EPHA2: variants seen among roughly 807,000 people sequenced by gnomAD.
EPHA2 encodes the protein ephrin type-A receptor 2.
Under a neutral mutation model 104.9 loss-of-function variants are expected in EPHA2, and 54 were observed. The observed-to-expected ratio is 0.51, with a 90% CI of 0.41 to 0.65. The LOEUF (loss-of-function observed/expected upper bound fraction) is 0.65. Among genes scored for constraint, EPHA2 ranks in the 30% least tolerant of loss-of-function variants. The probability of loss-of-function intolerance (pLI) is 0.00; values close to 1 mark genes in which losing one functional copy is unlikely to be tolerated. For missense variants in EPHA2, 1,117 were observed against 1,369.5 expected, an observed-to-expected ratio of 0.82 and a Z score of 2.91; for synonymous variants, 560 against 559.1, an observed-to-expected ratio of 1.00 and a Z score of -0.02.
rs1045018818 is a variant in EPHA2, at chr1:16,131,213, T to A, written c.2475+508A>T. Among the ~76,000 whole-genome samples the A allele has an allele frequency of 6.6e-6, 1 of 151,966 alleles. No individual in the cohort carries two copies. Among genetic ancestry groups the A allele is most frequent in the African/African-American group, 2.4e-5 (1 of 41,388 alleles). ...GGATACACACGTACACCCCACTCCT[T>A]TTTTCATCTCTGCACTCTCTGAATC... is the stretch of plus-strand genomic sequence containing the variant. On this transcript the variant is annotated intron_variant, in intron 14 of 16. Transcript: ENST00000358432. This position sits in a 1 kb window ranked among gnomAD's most constrained non-coding sequence, Gnocchi z 5.2.
chr1:16,129,565 C>G lies in EPHA2; in HGVS notation c.2694G>C (p.Thr898=). Reference sequence around the variant, plus strand: ...GGAAGGGCACCCCCTCCGAGCCGCTCGTGCTGGGGAGCCGGATAGACACGC... The same window carrying G: ...GGAAGGGCACCCCCTCCGAGCCGCTGGTGCTGGGGAGCCGGATAGACACGC... ...DPRVSIRLPS[T]SGSEGVPFRT... The change falls in exon 16 of 17, where the codon ACG becomes ACC. Residue 898 remains threonine, a synonymous_variant. Transcript: ENST00000358432. 10 of 1,612,376 alleles carry G rather than the reference C, an allele frequency of 6.2e-6. No individual in the cohort carries two copies. The highest frequency in any genetic ancestry group is 8.5e-6 in the Non-Finnish European group (10 of 1,179,910).
intron 1 of EPHA2, among the ~76,000 whole-genome samples, chr1:16,152,172 G>C (rs1333263307): frequency 6.6e-6 from 1 of 152,220 alleles, no homozygotes; most frequent in East Asian, 1.9e-4. Context: ...GAGCATGAGG[G>C]ATCTGCCTCA....
chr1:16,134,467 C>A lies in EPHA2; in HGVS notation c.1682+1G>T. On this transcript the variant is annotated splice_donor_variant, in intron 8 of 16. Transcript: ENST00000358432. LOFTEE classifies it high-confidence loss of function. This position sits in a 1 kb window ranked among gnomAD's most constrained non-coding sequence, Gnocchi z 4.5. ...GAGCCAGGGTATGGGCTCTGACGAA[C>A]CTGCGGTGGATAAAGAAGCCAACTC... is the stretch of plus-strand genomic sequence containing the variant. The A allele has an allele frequency of 6.2e-7, 1 of 1,614,030 alleles. No homozygotes were observed. The highest frequency in any genetic ancestry group is 8.5e-7 in the Non-Finnish European group (1 of 1,179,990).
chr1:16,130,587 G>T lies in EPHA2; in HGVS notation c.2476-168C>A, dbSNP rs909730601. Among the ~76,000 whole-genome samples, 1 of 152,098 alleles carries T rather than the reference G, an allele frequency of 6.6e-6. No individual in the cohort carries two copies. The highest frequency in any genetic ancestry group is 1.5e-5 in the Non-Finnish European group (1 of 68,022). ...CACCCAACCTTCAGAGCTGCCCAAA[G>T]GGCAAATGCCTAAGGGTCTGTGTCC... On this transcript the variant is annotated intron_variant, in intron 14 of 16. Transcript: ENST00000358432. The surrounding 1 kb of genome is among the most constrained non-coding windows in gnomAD (Gnocchi z 4.5).
At position 16,135,461 on chromosome 1, in the gene EPHA2, A is replaced by G. The variant is rs757347236; in HGVS notation, c.1428+194T>C. ...CCTGACTGCCTCTTCCAAGGACGCC[A>G]TGTCTTCTCTCGTACAAATCTCTGC... On this transcript the variant is annotated intron_variant, in intron 6 of 16. Transcript: ENST00000358432. The surrounding 1 kb of genome is among the most constrained non-coding windows in gnomAD (Gnocchi z 4.3). 3 of 720,640 alleles carry G rather than the reference A, an allele frequency of 4.2e-6. No homozygotes were observed. The highest frequency in any genetic ancestry group is 7.3e-6 in the Non-Finnish European group (3 of 412,760). 44.6% of individuals were successfully genotyped at this position (720,640 alleles called of 1,614,324 possible). A position where few individuals can be genotyped will look rare whatever the true frequency, so the allele number is the denominator to read the frequency against.
chr1:16,148,320 A>C lies in EPHA2; in HGVS notation c.823+58T>G. On this transcript the variant is annotated intron_variant, in intron 3 of 16. Coordinates refer to ENST00000358432, the MANE Select transcript of EPHA2 (RefSeq NM_004431.5). The surrounding 1 kb of genome is among the most constrained non-coding windows in gnomAD (Gnocchi z 4.9). ...CCAAGATTCCATGATTCCAAAGCTAAAGACCAGAACCTGGGAATGCAGAAC... is the reference window on the plus strand; with the variant it reads ...CCAAGATTCCATGATTCCAAAGCTACAGACCAGAACCTGGGAATGCAGAAC... 6.2e-7 allele frequency: 1 copy of C among 1,602,844 alleles called. No homozygotes were observed. The highest frequency in any genetic ancestry group is 8.5e-7 in the Non-Finnish European group (1 of 1,175,294).
chr1:16,134,962 T>A lies in EPHA2; in HGVS notation c.1582+74A>T. ...GGCATTTCTAAGTTATTTGATTCAC[T>A]TCCTTTCCCAAGATGTCTCAATTGC... On this transcript the variant is annotated intron_variant, in intron 7 of 16. Coordinates refer to ENST00000358432, the MANE Select transcript of EPHA2 (RefSeq NM_004431.5). This position sits in a 1 kb window ranked among gnomAD's most constrained non-coding sequence, Gnocchi z 4.5. 2 of 1,591,602 alleles carry A rather than the reference T, an allele frequency of 1.3e-6. No homozygotes were observed. Among genetic ancestry groups the A allele is most frequent in the Non-Finnish European group, 1.7e-6 (2 of 1,172,342 alleles).
At position 16,148,899 on chromosome 1, in the gene EPHA2, G is replaced by C. The variant is rs371414588; in HGVS notation, c.302C>G (p.Thr101Ser). The C allele has an allele frequency of 6.2e-7, 1 of 1,614,166 alleles. No individual in the cohort carries two copies. Among genetic ancestry groups the C allele is most frequent in the Non-Finnish European group, 8.5e-7 (1 of 1,180,048 alleles). Residue 101 changes from threonine (T) to serine (S), a missense_variant, in exon 3 of 17, where the codon ACT (threonine) becomes AGT (serine). Around this residue, in one of 3 missense-constraint regions of EPHA2, gnomAD observed 664 missense variants for 784.8 expected, o/e 0.85. Transcript: ENST00000358432. The surrounding 1 kb of genome is among the most constrained non-coding windows in gnomAD (Gnocchi z 4.9). ...AGGGAAGCTGTTGCAGTCACGTACA[G>C]TAAACTTGAGCTCAATGAAGATACG... ...AERIFIELKFTVRDCNSFPGG... is the reference protein window; with the variant it reads ...AERIFIELKFSVRDCNSFPGG...
At chr1:16,152,072 C>T (rs6673443) in intron 1 of EPHA2, among the ~76,000 whole-genome samples, 3,928 of 152,254 alleles carry the variant, frequency 0.026, 187 homozygotes, top group African/African-American at 0.09. Context: ...TAGGAGAAAC[C>T]GGGGCATAGA....
chr1:16,132,011 C>T (rs1388956552), intron 13 of EPHA2, 53 bp downstream of exon 13: 3 of 1,613,044 alleles, frequency 1.9e-6, no homozygotes, highest in African/African-American at 2.7e-5. Context: ...GGTGAGAGGA[C>T]ACCATGCAGG....
Position 16,132,366 on chromosome 1 carries a change from C to A in EPHA2, c.2115+12G>T. The stretch of plus-strand genomic sequence containing the variant: ...GCCAGGCATCCCCGCCCCCTACAAC[C>A]CACATCCTTACCCGAAGGAACTTGT... On this transcript the variant is annotated intron_variant, in intron 12 of 16. Transcript: ENST00000358432. 1 of 1,614,188 alleles carries A rather than the reference C, an allele frequency of 6.2e-7. No individual in the cohort carries two copies. Among genetic ancestry groups the A allele is most frequent in the Non-Finnish European group, 8.5e-7 (1 of 1,180,038 alleles).
Position 16,124,968 on chromosome 1 carries a change from G to C in EPHA2, c.*247C>G. ...GGGGCTCCTGCTCCAGGGATGCTGG[G>C]ACGTGGCGGTGCCTGCTAAGTGCTC... On this transcript the variant is annotated 3_prime_UTR_variant, in exon 17 of 17. Transcript: ENST00000358432. 2 of 535,020 alleles carry C rather than the reference G, an allele frequency of 3.7e-6. No individual in the cohort carries two copies. The highest frequency in any genetic ancestry group is 6.8e-6 in the Non-Finnish European group (2 of 294,634). 33.1% of individuals were successfully genotyped at this position (535,020 alleles called of 1,614,324 possible). A position where few individuals can be genotyped will look rare whatever the true frequency, so the allele number is the denominator to read the frequency against.
At chr1:16,142,451 C>T (rs1427643287) in intron 3 of EPHA2, among the ~76,000 whole-genome samples, 5 of 152,138 alleles carry the variant, frequency 3.3e-5, no homozygotes, top group Non-Finnish European at 4.4e-5. Flanking sequence ...CATGGCCCAG[C>T]GGTGCTCAGT....
Position 16,148,132 on chromosome 1 carries a change from T to TCCCA in EPHA2, c.823+242_823+245dup, listed in dbSNP as rs1322580658. Among the ~76,000 whole-genome samples the TCCCA allele has an allele frequency of 6.6e-6, 1 of 152,082 alleles. No individual in the cohort carries two copies. The highest frequency in any genetic ancestry group is 1.5e-5 in the Non-Finnish European group (1 of 68,008). The stretch of plus-strand genomic sequence containing the variant: ...CTCAAGTGATCCACCCACCTCAGCC[T>TCCCA]CCCAAAGTGCTGGGATTACAGGCAT... On this transcript the variant is annotated intron_variant, in intron 3 of 16. Coordinates refer to ENST00000358432, the MANE Select transcript of EPHA2 (RefSeq NM_004431.5). This position sits in a 1 kb window ranked among gnomAD's most constrained non-coding sequence, Gnocchi z 4.9.
chr1:16,151,146 A>T (rs1395020007), intron 1 of EPHA2, among the ~76,000 whole-genome samples, 183 bp from the exon 2 acceptor site: 1 of 152,116 alleles, frequency 6.6e-6, no homozygotes, highest in African/African-American at 2.4e-5. Context: ...AGGCCCAGAA[A>T]AAGGATGGAA....
chr1:16,135,237 G>C lies in EPHA2; in HGVS notation c.1429-48C>G, dbSNP rs1314670970. On this transcript the variant is annotated intron_variant, in intron 6 of 16. Coordinates refer to ENST00000358432, the MANE Select transcript of EPHA2 (RefSeq NM_004431.5). The surrounding 1 kb of genome is among the most constrained non-coding windows in gnomAD (Gnocchi z 4.3). Reference sequence around the variant, plus strand: ...GGAGCAGGCAGTGAGGGCAGGGCAGGGGCCTCGGCTCAGCCCGCTGGAGAC... The same window carrying C: ...GGAGCAGGCAGTGAGGGCAGGGCAGCGGCCTCGGCTCAGCCCGCTGGAGAC... The C allele has an allele frequency of 5.0e-6, 8 of 1,610,882 alleles. No homozygotes were observed. The Admixed American group carries it at 1.2e-4, about 23-fold the overall frequency.
chr1:16,136,625 A>AG (rs2024690148), intron 5 of EPHA2, among the ~76,000 whole-genome samples: 5 of 147,178 alleles, frequency 3.4e-5, no homozygotes, highest in South Asian at 2.1e-4. Flanking sequence ...GTCTCAAAAA[A>AG]AAAGAAGAAG....
chr1:16,151,030 G>C, intron 1 of EPHA2, 67 bp from the exon 2 acceptor site: 4 of 1,537,282 alleles, frequency 2.6e-6, no homozygotes, highest in Non-Finnish European at 3.6e-6. Context: ...TGGCAGGAAA[G>C]GTGAGGATCC....
Position 16,130,349 on chromosome 1 carries a change from A to G in EPHA2, c.2546T>C (p.Leu849Pro). Residue 849 changes from leucine to proline, a missense_variant, in exon 15 of 17, where the codon CTC becomes CCC. Physicochemically the swap from Leu to Pro is moderately conservative, Grantham distance 98. This residue lies in a region of EPHA2 where 340 missense variants were observed against 480.5 expected (regional missense o/e 0.71). Coordinates refer to ENST00000358432, the MANE Select transcript of EPHA2 (RefSeq NM_004431.5). The surrounding 1 kb of genome is among the most constrained non-coding windows in gnomAD (Gnocchi z 4.5). Reference sequence around the variant, plus strand: ...CTCCTGCTGCCAGCACTGCATCATGAGCTGGTAGATGGCGGAGGGGCAGTC... The same window carrying G: ...CTCCTGCTGCCAGCACTGCATCATGGGCTGGTAGATGGCGGAGGGGCAGTC... ...PMDCPSAIYQLMMQCWQQERA... is the reference protein window; with the variant it reads ...PMDCPSAIYQPMMQCWQQERA... 1 of 1,589,886 alleles carries G rather than the reference A, an allele frequency of 6.3e-7. No homozygotes were observed. Among genetic ancestry groups the G allele is most frequent in the Non-Finnish European group, 8.6e-7 (1 of 1,162,886 alleles).
Sources: allele counts gnomAD v4.1 joint callset (sites outside exome capture counted in the v4.1 genomes callset), GRCh38; gene constraint gnomAD v4.1.1; regional missense constraint gnomAD v4.1.1; non-coding constraint Gnocchi (gnomAD v3.1); transcripts MANE v1.5; gene names NCBI Gene and HGNC (gene_info 2026-07-23, HGNC 2026-07-21).